The following TRPM4 variants were observed in gnomAD, a reference collection of about 807,000 sequenced individuals.
The protein encoded by TRPM4 is transient receptor potential cation channel subfamily M member 4.
Under a neutral mutation model 135.6 loss-of-function variants are expected in TRPM4, and 124 were observed. The observed-to-expected ratio is 0.91, with a 90% confidence interval of 0.79 to 1.06. TRPM4 has a LOEUF of 1.06. Ranked by LOEUF, TRPM4 falls within the 50% of genes least tolerant of loss-of-function variation. The pLI is 0.00. For synonymous variants in TRPM4, 745 were observed against 705.6 expected (o/e 1.06, Z -0.88); for missense variants, 1,658 against 1,671.4 (o/e 0.99, Z 0.14).
At chr19:49,166,410 C>T (rs755741694) in intron 3 of TRPM4, among the ~76,000 whole-genome samples, 195 bp downstream of exon 3, 13 of 152,166 alleles carry the variant, frequency 8.5e-5, no homozygotes, top group Non-Finnish European at 1.8e-4. Flanking sequence ...GTCTCTGTCT[C>T]CCTCTGTCTC....
chr19:49,206,755 C>A (rs75327939), intron 20 of TRPM4, among the ~76,000 whole-genome samples: 8,465 of 152,138 alleles, frequency 0.056, 701 homozygotes, highest in African/African-American at 0.17. Flanking sequence ...TGGAATTTTC[C>A]GAGGGATTGC....
chr19:49,196,381 G>C (rs1167467807), intron 16 of TRPM4, 59 bp from the exon 17 acceptor site: 2 of 1,426,834 alleles, frequency 1.4e-6, no homozygotes, highest in African/African-American at 1.4e-5. Context: ...GATGATGGTG[G>C]AGATCAGGAC....
Position 49,188,463 on chromosome 19 carries a change from G to A in TRPM4, c.1744-178G>A, listed in dbSNP as rs895523974. ...CTGGTCTCTGAACCACCTGACTTCT[G>A]GCATTTTCAACTGACTTTCAGTTTC... On this transcript the variant is annotated intron_variant, in intron 12 of 24. Coordinates refer to ENST00000252826, the MANE Select transcript of TRPM4 (RefSeq NM_017636.4). Among the ~76,000 whole-genome samples the A allele has an allele frequency of 6.4e-4, 98 of 152,210 alleles. 1 individual carries two copies. The highest frequency in any genetic ancestry group is 2.3e-3 in the African/African-American group (95 of 41,514).
rs755537764 is a variant in TRPM4 at position 49,168,090 on chromosome 19, G to A, written c.441G>A (p.Gln147=). ...GTCGTGGGCTGGTGCGGGCTGCCCA[G>A]AGCACAGGTGACCGAGGGTGGGTGG... ...LLRRGLVRAA[Q]STGAWIVTGG... Residue 147 remains glutamine (Q), a synonymous_variant, in exon 4 of 25, where the codon CAG becomes CAA. Coordinates refer to ENST00000252826, the MANE Select transcript of TRPM4 (RefSeq NM_017636.4). 6.2e-7 allele frequency: 1 copy of A among 1,603,392 alleles called. No individual in the cohort carries two copies. Among genetic ancestry groups the A allele is most frequent in the Non-Finnish European group, 8.5e-7 (1 of 1,177,212 alleles).
In TRPM4 at chr19:49,188,777, G is replaced by A. The variant is rs768476029; in HGVS notation, c.1873+7G>A. ...TTTGAGGGGATGGGCGTTGGTGCGT[G>A]GGGCACGGTGCCTGGGAGCAGGGAC... On this transcript the variant is annotated splice_region_variant and intron_variant, in intron 13 of 24. Coordinates refer to ENST00000252826, the MANE Select transcript of TRPM4 (RefSeq NM_017636.4). 1.9e-6 allele frequency: 3 copies of A among 1,613,930 alleles called. No individual in the cohort carries two copies. The South Asian group carries it at 3.3e-5, about 18-fold the overall frequency.
At chr19:49,190,586 T>G in intron 15 of TRPM4, 110 bp from the exon 16 acceptor site, 1 of 1,170,810 alleles carries the variant, frequency 8.5e-7, no homozygotes. Context: ...GGAGACCACC[T>G]CTCTGTCCCT....
chr19:49,187,744 C>T (rs573933829), intron 12 of TRPM4, among the ~76,000 whole-genome samples: 1 of 152,268 alleles, frequency 6.6e-6, no homozygotes, highest in South Asian at 2.1e-4. Context: ...AATCAGTCTC[C>T]TCGAGGATTC....
intron 12 of TRPM4, among the ~76,000 whole-genome samples, chr19:49,187,218 C>T (rs1363637414): frequency 3.4e-5 from 5 of 148,710 alleles, no homozygotes; most frequent in Admixed American, 6.7e-5. Flanking sequence ...TATAAGTTTT[C>T]GATTAGATTC....
At chr19:49,158,149 C>T (rs758387945) in intron 1 of TRPM4, 43 bp from the exon 2 acceptor site, 8 of 1,572,956 alleles carry the variant, frequency 5.1e-6, no homozygotes, top group Admixed American at 3.3e-5. Context: ...AACTGGGTGC[C>T]CTCTCACCCC....
In TRPM4 at chr19:49,202,021, C is replaced by A; in HGVS notation, c.3011C>A (p.Pro1004His). The change falls in exon 20 of 25, where the codon CCT (proline) becomes CAT (histidine). Residue 1004 changes from proline (P) to histidine (H), a missense_variant. Physicochemically the swap from Pro to His is moderately conservative, Grantham distance 77 (BLOSUM62 -2). Around this residue, in one of 3 missense-constraint regions of TRPM4, gnomAD observed 1,412 missense variants for 1,408.7 expected, o/e 1.00. Coordinates refer to ENST00000252826, the MANE Select transcript of TRPM4 (RefSeq NM_017636.4). ...SSEPGFWAHP[P>H]GAQAGTCVSQ... ...GAGCCCGGCTTCTGGGCACACCCTC[C>A]TGGGGCCCAGGCGGGCACCTGCGTC... The A allele has an allele frequency of 1.9e-6, 3 of 1,613,776 alleles. No individual in the cohort carries two copies. Among genetic ancestry groups the A allele is most frequent in the Non-Finnish European group, 2.5e-6 (3 of 1,180,046 alleles).
chr19:49,161,635 CT>C (rs10695245), intron 2 of TRPM4, among the ~76,000 whole-genome samples: 9 of 145,520 alleles, frequency 6.2e-5, no homozygotes, highest in African/African-American at 1.3e-4. Context: ...CCGGCTACCT[CT>C]TTTTTTTTTT....
At chr19:49,198,838 A>G (rs887968124) in intron 17 of TRPM4, among the ~76,000 whole-genome samples, 1 of 151,856 alleles carries the variant, frequency 6.6e-6, no homozygotes, top group African/African-American at 2.4e-5. Flanking sequence ...GGCTCAAGCA[A>G]TCCTCCCACC....
At chr19:49,206,347 A>G (rs1158649106) in intron 20 of TRPM4, among the ~76,000 whole-genome samples, 2 of 151,658 alleles carry the variant, frequency 1.3e-5, no homozygotes, top group Admixed American at 6.6e-5. Context: ...TGTTTTGGCT[A>G]TTCTGGGCCT....
In TRPM4 at chr19:49,210,824, T is replaced by G; in HGVS notation, c.3443T>G (p.Leu1148Arg). 6.2e-7 allele frequency: 1 copy of G among 1,612,256 alleles called. No individual in the cohort carries two copies. The highest frequency in any genetic ancestry group is 8.5e-7 in the Non-Finnish European group (1 of 1,179,522). The change falls in exon 22 of 25, where the codon CTG becomes CGG. Residue 1148 changes from leucine (L) to arginine (R), a missense_variant. Physicochemically the swap from Leu to Arg is moderately radical, Grantham distance 102 (BLOSUM62 -2). Coordinates refer to ENST00000252826, the MANE Select transcript of TRPM4 (RefSeq NM_017636.4). The surrounding 1 kb of genome is among the most constrained non-coding windows in gnomAD (Gnocchi z 4.1). ...AAGCGGGAGAGCGACTCCGAGCGTCTGAAGCGCACGTCCCAGAAGTGAGAG... is the reference window on the plus strand; with the variant it reads ...AAGCGGGAGAGCGACTCCGAGCGTCGGAAGCGCACGTCCCAGAAGTGAGAG... ...RDKRESDSER[L>R]KRTSQKVDLA...
rs1243862285 is a variant in TRPM4 at position 49,171,812 on chromosome 19, G to A, written c.1050+43G>A. On this transcript the variant is annotated intron_variant, in intron 8 of 24. Transcript: ENST00000252826. The surrounding 1 kb of genome is among the most constrained non-coding windows in gnomAD (Gnocchi z 4.7). ...CAACTCTGGATCCTGAGATGGGAGG[G>A]AACTGGGGACTTGGGCTCCTGGGTC... The A allele has an allele frequency of 6.3e-7, 1 of 1,589,478 alleles. No individual in the cohort carries two copies. The highest frequency in any genetic ancestry group is 1.7e-5 in the Admixed American group (1 of 58,328).
chr19:49,183,098 G>A lies in TRPM4; in HGVS notation c.1629G>A (p.Lys543=). The A allele has an allele frequency of 6.2e-7, 1 of 1,613,036 alleles. No individual in the cohort carries two copies. The highest frequency in any genetic ancestry group is 8.5e-7 in the Non-Finnish European group (1 of 1,180,010). Reference sequence around the variant, plus strand: ...GGCAGATGTATCTGCTCTCGGACAAGGCCACCTCGCCGCTCTCGCTGGATG... The same window carrying A: ...GGCAGATGTATCTGCTCTCGGACAAAGCCACCTCGCCGCTCTCGCTGGATG... ...FGESMYLLSD[K]ATSPLSLDAG... Residue 543 remains lysine (K), a synonymous_variant, in exon 12 of 25, where the codon AAG becomes AAA. Coordinates refer to ENST00000252826, the MANE Select transcript of TRPM4 (RefSeq NM_017636.4).
chr19:49,161,076 G>A (rs949873472), intron 2 of TRPM4, among the ~76,000 whole-genome samples: 4 of 151,970 alleles, frequency 2.6e-5, no homozygotes, highest in African/African-American at 4.8e-5. Context: ...GCATATGAGC[G>A]GCCTAGGGGG....
In TRPM4 at chr19:49,210,151, G is replaced by A. The variant is rs1969291971; in HGVS notation, c.3132-58G>A. 1.3e-6 allele frequency: 2 copies of A among 1,567,998 alleles called. No individual in the cohort carries two copies. Among genetic ancestry groups the A allele is most frequent in the East Asian group, 2.2e-5 (1 of 44,688 alleles). ...AATTATTGCCTGGCATCTAACCTTC[G>A]TCCTTGCCCCTGGCTGGGCCCTGAC... On this transcript the variant is annotated intron_variant, in intron 20 of 24. Coordinates refer to ENST00000252826, the MANE Select transcript of TRPM4 (RefSeq NM_017636.4). This position sits in a 1 kb window ranked among gnomAD's most constrained non-coding sequence, Gnocchi z 4.1.
rs1480614224 is a variant in TRPM4, at chr19:49,168,249, C to T, written c.449-11C>T. On this transcript the variant is annotated splice_polypyrimidine_tract_variant and intron_variant, in intron 4 of 24. Transcript: ENST00000252826. ...CCCCCTGCCTCTGCATGTTCCTCGG[C>T]GTCTGTGTAGGAGCCTGGATTGTCA... is the stretch of plus-strand genomic sequence containing the variant. 8 of 1,613,954 alleles carry T rather than the reference C, an allele frequency of 5.0e-6. No homozygotes were observed. Among genetic ancestry groups the T allele is most frequent in the Middle Eastern group, 1.6e-4 (1 of 6,082 alleles).
Sources: allele counts gnomAD v4.1 joint callset (sites outside exome capture counted in the v4.1 genomes callset), GRCh38; gene constraint gnomAD v4.1.1; regional missense constraint gnomAD v4.1.1; non-coding constraint Gnocchi (gnomAD v3.1); transcripts MANE v1.5; gene names NCBI Gene and HGNC (gene_info 2026-07-23, HGNC 2026-07-21).